ZNF44: variants seen among roughly 807,000 people sequenced by gnomAD.
ZNF44 encodes the protein gonadotropin inducible transcription repressor-2.
In ZNF44, 9 loss-of-function variants were observed where a neutral mutation model predicts 11.7. The observed-to-expected ratio is 0.77, with a 90% CI of 0.46 to 1.35. The LOEUF (loss-of-function observed/expected upper bound fraction) is 1.35, where lower values mean the gene tolerates loss of function less well. Ranked by LOEUF, ZNF44 falls within the 40% of genes most tolerant of loss-of-function variation. The probability of loss-of-function intolerance (pLI) is 0.00; values close to 1 mark genes in which losing one functional copy is unlikely to be tolerated. For missense variants in ZNF44, 696 were observed against 743.1 expected (o/e 0.94, Z 0.74); for synonymous variants, 224 against 242.7 (o/e 0.92, Z 0.72).
intron 1 of ZNF44, among the ~76,000 whole-genome samples, chr19:12,289,643 CTTT>C (rs34329118): frequency 2.5e-5 from 3 of 117,898 alleles, no homozygotes; most frequent in Admixed American, 8.9e-5. Flanking sequence ...TAAACTCATT[CTTT>C]TTTTTTTTTT....
chr19:12,288,384 C>A (rs1967849535), intron 1 of ZNF44, among the ~76,000 whole-genome samples: 2 of 152,102 alleles, frequency 1.3e-5, no homozygotes, highest in African/African-American at 4.8e-5. Context: ...AACCAACTCA[C>A]TGAATACAAA....
intron 1 of ZNF44, among the ~76,000 whole-genome samples, chr19:12,280,344 T>C (rs1012823710): frequency 6.6e-6 from 1 of 152,216 alleles, no homozygotes; most frequent in Non-Finnish European, 1.5e-5. Context: ...GAACTGTCTA[T>C]TATACCAGCA....
intron 2 of ZNF44, among the ~76,000 whole-genome samples, chr19:12,233,570 A>AAC (rs1916250972): frequency 1.5e-4 from 22 of 148,666 alleles, no homozygotes; most frequent in African/African-American, 4.9e-4. Context: ...AAAAAAAAAA[A>AAC]AACCTGACAA....
downstream of ZNF44, among the ~76,000 whole-genome samples, chr19:12,270,466 T>A (rs192254859): frequency 6.5e-4 from 98 of 151,906 alleles, no homozygotes; most frequent in Admixed American, 1.1e-3. Flanking sequence ...TTTTTTTTCT[T>A]CTTGAGACCG....
At chr19:12,241,765 CAA>C (rs749482615), upstream of ZNF44, among the ~76,000 whole-genome samples, 43 of 152,226 alleles carry the variant, frequency 2.8e-4, no homozygotes, top group Non-Finnish European at 5.4e-4. Flanking sequence ...TCAGAGTAGT[CAA>C]AAGAGTTTTG....
At chr19:12,263,692 G>A (rs1228776214) in intron 5 of ZNF44, among the ~76,000 whole-genome samples, 2 of 152,018 alleles carry the variant, frequency 1.3e-5, no homozygotes, top group East Asian at 2.0e-4. Flanking sequence ...TTGGGAGGCC[G>A]AGGCGGGCGG....
chr19:12,278,055 A>T (rs1967307429), intron 1 of ZNF44, among the ~76,000 whole-genome samples: 1 of 152,192 alleles, frequency 6.6e-6, no homozygotes, highest in South Asian at 2.1e-4. Context: ...TCTAGCCATA[A>T]ACAAAATCTC....
downstream of ZNF44, chr19:12,247,186 C>T: frequency 1.5e-6 from 1 of 676,760 alleles, no homozygotes; most frequent in South Asian, 2.3e-5. Flanking sequence ...GTATTACTTA[C>T]ATTCATGCAA....
At chr19:12,257,956 G>T (rs1379786972) in intron 5 of ZNF44, among the ~76,000 whole-genome samples, 1 of 151,758 alleles carries the variant, frequency 6.6e-6, no homozygotes, top group Non-Finnish European at 1.5e-5. Context: ...GGGCGATAGA[G>T]CGAAACTCTA....
intron 1 of ZNF44, among the ~76,000 whole-genome samples, chr19:12,294,424 G>A (rs1968155226): frequency 6.6e-6 from 1 of 152,250 alleles, no homozygotes; most frequent in Non-Finnish European, 1.5e-5. Context: ...GGGAGAAGCG[G>A]GGCTGAGGGC....
In ZNF44 at chr19:12,234,072, A is replaced by AAC. The variant is rs551299533; in HGVS notation, n.380+594_380+595insGT. On this transcript the variant is annotated intron_variant and non_coding_transcript_variant, in intron 2 of 3. Coordinates refer to the ZNF44 transcript ENST00000597563. ...GTGAGACTCTGTCTTAAAAAAAAAA[A>AAC]AAAAAATGACAAGCCCATTATTAGT... Among the ~76,000 whole-genome samples, 827 of 151,972 alleles carry AAC rather than the reference A, an allele frequency of 5.4e-3. 7 individuals are homozygous for AAC. The highest frequency in any genetic ancestry group is 0.015 in the African/African-American group (638 of 41,424).
chr19:12,293,886 T>A (rs573451176), intron 1 of ZNF44, among the ~76,000 whole-genome samples: 3 of 148,462 alleles, frequency 2.0e-5, no homozygotes, highest in Admixed American at 1.4e-4. Flanking sequence ...CTAGTGACCC[T>A]CCCACCGTCA....
chr19:12,286,665 T>C lies in ZNF44; in HGVS notation c.3+8027A>G, dbSNP rs77880937. 1.6e-3 allele frequency among the ~76,000 whole-genome samples: 245 copies of C among 149,912 alleles called. No individual in the cohort carries two copies. In the East Asian group the frequency reaches 0.018, roughly 11 times the overall value. On this transcript the variant is annotated intron_variant, in intron 1 of 3. Transcript: ENST00000355684. ...AAAAAGAAAGAAAGAAAACAGATCA[T>C]TGGGGCTGGTTGCAGTGGCTCACAT...
chr19:12,247,603 A>C, downstream of ZNF44: 1 of 1,333,714 alleles, frequency 7.5e-7, no homozygotes, highest in Non-Finnish European at 9.9e-7. Flanking sequence ...CATTTTTTAC[A>C]TTCATACTGT....
intron 3 of ZNF44, 70 bp from the exon 4 acceptor site, chr19:12,274,133 T>G (rs975101785): frequency 7.3e-7 from 1 of 1,376,520 alleles, no homozygotes; most frequent in African/African-American, 1.4e-5. Flanking sequence ...GGTATTAGAT[T>G]TACATTTTTA....
intron 1 of ZNF44, among the ~76,000 whole-genome samples, chr19:12,282,570 C>T (rs541196449): frequency 2.6e-5 from 4 of 152,048 alleles, no homozygotes; most frequent in Admixed American, 2.0e-4. Flanking sequence ...TATAGGTGTC[C>T]GCTACCATGC....
Position 12,291,993 on chromosome 19 carries a change from G to GA in ZNF44, c.3+2698dup, listed in dbSNP as rs770161207. Among the ~76,000 whole-genome samples, 244 of 94,388 alleles carry GA rather than the reference G, an allele frequency of 2.6e-3. 1 individual carries two copies. Among genetic ancestry groups the GA allele is most frequent in the Non-Finnish European group, 3.1e-3 (140 of 44,878 alleles). The allele number at this position is 94,388 out of a possible 152,430, so 61.9% of individuals were successfully genotyped here. A position where few individuals can be genotyped will look rare whatever the true frequency, so the allele number is the denominator to read the frequency against. On this transcript the variant is annotated intron_variant, in intron 1 of 3. Transcript: ENST00000355684. Reference sequence around the variant, plus strand: ...GGCAATATAGTGAAACTCCATCTCAGAAAAAAAAAAAAAAGAAAAGAAAAG... The same window carrying GA: ...GGCAATATAGTGAAACTCCATCTCAGAAAAAAAAAAAAAAAGAAAAGAAAAG...
At chr19:12,237,202 A>T (rs1302657830) in intron 1 of ZNF44, 1 of 152,224 alleles carries the variant, frequency 6.6e-6, no homozygotes, top group Admixed American at 6.5e-5. Flanking sequence ...ATCTGGGGAG[A>T]CGCGGGGCCG....
At chr19:12,245,154 GA>G (rs1916737057), downstream of ZNF44, among the ~76,000 whole-genome samples, 1 of 151,842 alleles carries the variant, frequency 6.6e-6, no homozygotes, top group Non-Finnish European at 1.5e-5. Context: ...ATTTTTTAAA[GA>G]AAAAAAGTAC....
Sources: allele counts gnomAD v4.1 joint callset (sites outside exome capture counted in the v4.1 genomes callset), GRCh38; gene constraint gnomAD v4.1.1; transcripts MANE v1.5; gene names NCBI Gene and HGNC (gene_info 2026-07-23, HGNC 2026-07-21).